Variants in MAN1C1 observed in about 807,000 individuals in gnomAD.
MAN1C1 encodes the protein mannosidase alpha class 1C member 1, also known as mannosyl-oligosaccharide 1,2-alpha-mannosidase IC.
In MAN1C1, 49 loss-of-function variants were observed where a neutral mutation model predicts 71.5. The observed-to-expected ratio is 0.69, with a 90% confidence interval of 0.54 to 0.87. MAN1C1 has a LOEUF of 0.87. Among genes scored for constraint, MAN1C1 ranks in the 40% least tolerant of loss-of-function variants. The probability of loss-of-function intolerance (pLI) is 0.00; values close to 1 mark genes in which losing one functional copy is unlikely to be tolerated. For synonymous variants in MAN1C1, 352 were observed against 343.7 expected, an observed-to-expected ratio of 1.02 and a Z score of -0.27; for missense variants, 743 against 835.0, an observed-to-expected ratio of 0.89 and a Z score of 1.36.
intron 2 of MAN1C1, among the ~76,000 whole-genome samples, chr1:25,713,770 G>A (rs1422451474): frequency 6.6e-6 from 1 of 152,094 alleles, no homozygotes; most frequent in Non-Finnish European, 1.5e-5. Flanking sequence ...GTGATCAGAG[G>A]GCCATGGAGA....
At chr1:25,773,587 GGCCGGAGTGT>G (rs2047582089) in intron 8 of MAN1C1, among the ~76,000 whole-genome samples, 1 of 152,172 alleles carries the variant, frequency 6.6e-6, no homozygotes, top group Admixed American at 6.5e-5. Context: ...AGCTGGTGGT[GGCCGGAGTGT>G]GCTGCCCAGA....
At position 25,617,335 on chromosome 1, in the gene MAN1C1, T is replaced by C. The variant is rs1487604209; in HGVS notation, c.-463T>C. 1 of 151,390 alleles carries C rather than the reference T, an allele frequency of 6.6e-6. No individual in the cohort carries two copies. Among genetic ancestry groups the C allele is most frequent in the Non-Finnish European group, 1.5e-5 (1 of 67,814 alleles). 9.4% of individuals were successfully genotyped at this position (151,390 alleles called of 1,614,324 possible). A position where few individuals can be genotyped will look rare whatever the true frequency, so the allele number is the denominator to read the frequency against. ...GGAAACTGCTTCTGAAGCTGAAACT[T>C]TGGGCGCCTACCAGCGCGGGCGGGA... On this transcript the variant is annotated 5_prime_UTR_variant, in exon 1 of 12. Coordinates refer to ENST00000374332, the MANE Select transcript of MAN1C1 (RefSeq NM_020379.4). The surrounding 1 kb of genome is among the most constrained non-coding windows in gnomAD (Gnocchi z 5.1).
intron 1 of MAN1C1, among the ~76,000 whole-genome samples, chr1:25,646,824 G>A (rs1263603664): frequency 3.9e-5 from 6 of 152,310 alleles, no homozygotes; most frequent in African/African-American, 1.4e-4. Flanking sequence ...TTCTGTTGAT[G>A]GACATTTGGA....
intron 1 of MAN1C1, among the ~76,000 whole-genome samples, chr1:25,649,287 G>A (rs2124054873): frequency 6.6e-6 from 1 of 152,302 alleles, no homozygotes; most frequent in Middle Eastern, 3.4e-3. Context: ...CAGAGCTTTT[G>A]TCTTTGTGAC....
At chr1:25,661,830 A>C (rs2045853732) in intron 1 of MAN1C1, among the ~76,000 whole-genome samples, 1 of 152,260 alleles carries the variant, frequency 6.6e-6, no homozygotes, top group Non-Finnish European at 1.5e-5. Flanking sequence ...GAAATATCAC[A>C]GGATAGCCTG....
At chr1:25,729,111 G>C (rs1194697509) in intron 2 of MAN1C1, among the ~76,000 whole-genome samples, 2 of 152,212 alleles carry the variant, frequency 1.3e-5, no homozygotes, top group South Asian at 2.1e-4. Context: ...CCTCAACATA[G>C]AGACCAAACC....
chr1:25,652,939 G>T (rs370714294), intron 1 of MAN1C1, among the ~76,000 whole-genome samples: 1 of 151,924 alleles, frequency 6.6e-6, no homozygotes, highest in African/African-American at 2.4e-5. Context: ...GGTATTTTTT[G>T]TAGAAATGAG....
At chr1:25,751,208 T>TTTCC (rs373548922) in intron 4 of MAN1C1, among the ~76,000 whole-genome samples, 46 of 129,866 alleles carry the variant, frequency 3.5e-4, no homozygotes, top group Non-Finnish European at 4.2e-4. Flanking sequence ...TCCATTCGTC[T>TTTCC]TTCCTTCCTT....
intron 2 of MAN1C1, among the ~76,000 whole-genome samples, chr1:25,738,806 G>C (rs1246121318): frequency 6.6e-6 from 1 of 152,130 alleles, no homozygotes; most frequent in African/African-American, 2.4e-5. Context: ...TATGGTGGCT[G>C]GTTCCAAGAT....
rs927543163 is a variant in MAN1C1, at chr1:25,711,715, C to T, written c.637+25179C>T. Among the ~76,000 whole-genome samples, 17 of 151,656 alleles carry T rather than the reference C, an allele frequency of 1.1e-4. No homozygotes were observed. Among genetic ancestry groups the T allele is most frequent in the Non-Finnish European group, 1.0e-4 (7 of 67,920 alleles). On this transcript the variant is annotated intron_variant, in intron 2 of 11. Coordinates refer to ENST00000374332, the MANE Select transcript of MAN1C1 (RefSeq NM_020379.4). The surrounding 1 kb of genome is among the most constrained non-coding windows in gnomAD (Gnocchi z 4.3). ...AGCCTGCCCCGGGCCCCACTTCCTC[C>T]CCTCCTCCGTGGGTGCGCAGCCCAG...
rs1182070414 is a variant in MAN1C1 at position 25,618,353 on chromosome 1, C to A, written c.540+16C>A. ...AATCAAGGAGGTATGGACTCAGCCC[C>A]CAAACTCCTCCCACCAACTGCCCCC... On this transcript the variant is annotated intron_variant, in intron 1 of 11. Transcript: ENST00000374332. 1 of 1,585,386 alleles carries A rather than the reference C, an allele frequency of 6.3e-7. No individual in the cohort carries two copies. Among genetic ancestry groups the A allele is most frequent in the Non-Finnish European group, 8.6e-7 (1 of 1,168,978 alleles).
At chr1:25,763,486 C>CAAAAAAAAAAAAAAA (rs60144894) in intron 6 of MAN1C1, among the ~76,000 whole-genome samples, 1 of 87,632 alleles carries the variant, frequency 1.1e-5, no homozygotes, top group African/African-American at 4.1e-5. Flanking sequence ...GAGACTGTCT[C>CAAAAAAAAAAAAAAA]AAAAAAAAAA....
intron 2 of MAN1C1, chr1:25,709,740 A>T (rs1430901901): frequency 2.0e-5 from 3 of 151,460 alleles, no homozygotes; most frequent in Admixed American, 6.6e-5. Context: ...CTATCTATCT[A>T]TATTTATTTA....
rs781326497 is a variant in MAN1C1 at position 25,782,872 on chromosome 1, G to A, written c.1766+172G>A. On this transcript the variant is annotated intron_variant, in intron 11 of 11. Transcript: ENST00000374332. The surrounding 1 kb of genome is among the most constrained non-coding windows in gnomAD (Gnocchi z 4.4). ...CCAGGTGTGAGCCTTGGGCCAGGCC[G>A]CTTTCTCGGAGAGTGAGACTGGGCT... 6.6e-6 allele frequency among the ~76,000 whole-genome samples: 1 copy of A among 152,196 alleles called. No homozygotes were observed. Among genetic ancestry groups the A allele is most frequent in the Non-Finnish European group, 1.5e-5 (1 of 68,044 alleles).
chr1:25,650,413 G>T (rs2124060407), intron 1 of MAN1C1, among the ~76,000 whole-genome samples: 1 of 152,292 alleles, frequency 6.6e-6, no homozygotes, highest in East Asian at 1.9e-4. Context: ...ACAGTGTCCA[G>T]TGTTTGCTCT....
At position 25,783,921 on chromosome 1, in the gene MAN1C1, C is replaced by A; in HGVS notation, c.*132C>A. On this transcript the variant is annotated 3_prime_UTR_variant, in exon 12 of 12. Coordinates refer to ENST00000374332, the MANE Select transcript of MAN1C1 (RefSeq NM_020379.4). ...ACCCCCAGCAGATGTGTCGGACAAG[C>A]AACTTCTTTTCCTCTGTGAGGAGAC... is the stretch of plus-strand genomic sequence containing the variant. The A allele has an allele frequency of 8.1e-7, 1 of 1,227,334 alleles. No individual in the cohort carries two copies. The highest frequency in any genetic ancestry group is 1.1e-6 in the Non-Finnish European group (1 of 900,736). The allele number at this position is 1,227,334 out of a possible 1,614,324, so 76.0% of individuals were successfully genotyped here.
At position 25,783,890 on chromosome 1, in the gene MAN1C1, G is replaced by C; in HGVS notation, c.*101G>C. The stretch of plus-strand genomic sequence containing the variant: ...GGATTGGGAACGAAGGCCCCATCTC[G>C]GGCAGACCCCCAGCAGATGTGTCGG... On this transcript the variant is annotated 3_prime_UTR_variant, in exon 12 of 12. Transcript: ENST00000374332. 6.9e-7 allele frequency: 1 copy of C among 1,439,036 alleles called. No homozygotes were observed. The highest frequency in any genetic ancestry group is 9.3e-7 in the Non-Finnish European group (1 of 1,072,256). 89.1% of individuals were successfully genotyped at this position (1,439,036 alleles called of 1,614,324 possible).
chr1:25,744,567 G>A (rs902398994), intron 2 of MAN1C1, among the ~76,000 whole-genome samples: 3 of 151,898 alleles, frequency 2.0e-5, no homozygotes, highest in Non-Finnish European at 2.9e-5. Context: ...CCTCCTTGGC[G>A]GGCCCTCCCT....
chr1:25,753,539 C>T lies in MAN1C1; in HGVS notation c.890C>T (p.Thr297Ile), dbSNP rs751062897. 3 of 1,613,828 alleles carry T rather than the reference C, an allele frequency of 1.9e-6. No individual in the cohort carries two copies. Among genetic ancestry groups the T allele is most frequent in the Non-Finnish European group, 2.5e-6 (3 of 1,179,858 alleles). ...GAGAAGCTCCTGCCGGCGTTCAACA[C>T]CCCCACGGGAATCCCAAAGGGCGTG... ...LGEKLLPAFN[T>I]PTGIPKGVVS... The change falls in exon 5 of 12, where the codon ACC (threonine) becomes ATC (isoleucine). Residue 297 changes from threonine (T) to isoleucine (I), a missense_variant. Coordinates refer to ENST00000374332, the MANE Select transcript of MAN1C1 (RefSeq NM_020379.4). This position sits in a 1 kb window ranked among gnomAD's most constrained non-coding sequence, Gnocchi z 4.9.
Sources: allele counts gnomAD v4.1 joint callset (sites outside exome capture counted in the v4.1 genomes callset), GRCh38; gene constraint gnomAD v4.1.1; non-coding constraint Gnocchi (gnomAD v3.1); transcripts MANE v1.5; gene names NCBI Gene and HGNC (gene_info 2026-07-23, HGNC 2026-07-21).